The following POM121 variants were observed in gnomAD, a reference collection of about 807,000 sequenced individuals.
POM121 encodes the protein nuclear envelope pore membrane protein POM 121.
POM121 carries 32 observed loss-of-function variants against 81.3 expected under a neutral mutation model. That is an observed-to-expected ratio of 0.39 (90% confidence interval 0.30 to 0.53). POM121 has a LOEUF of 0.53. Among genes scored for constraint, POM121 ranks in the 20% least tolerant of loss-of-function variants. The probability of loss-of-function intolerance (pLI) is 0.66; values close to 1 mark genes in which losing one functional copy is unlikely to be tolerated. For synonymous variants in POM121, 514 were observed against 694.2 expected, an observed-to-expected ratio of 0.74 and a Z score of 4.08; for missense variants, 1,138 against 1,614.6, an observed-to-expected ratio of 0.70 and a Z score of 5.06.
chr7:72,948,367 A>G, downstream of POM121: 1 of 1,612,860 alleles, frequency 6.2e-7, no homozygotes, highest in Non-Finnish European at 8.5e-7. Flanking sequence ...AGCCCGAGGA[A>G]GGGACCCAAT....
Position 72,916,320 on chromosome 7 carries a change from T to G in POM121, c.-152+2492T>G, listed in dbSNP as rs74214817. On this transcript the variant is annotated intron_variant, in intron 4 of 15. Coordinates refer to the POM121 transcript ENST00000395270. ...TGGTTTTGGATTTTACATTTAAGTC[T>G]TTAATCCATCTTGAGTTAGTTTTTT... Among the ~76,000 whole-genome samples the G allele has an allele frequency of 8.9e-3, 1,363 of 152,338 alleles. 63 individuals are homozygous for G. In the East Asian group the frequency reaches 0.11, roughly 13 times the overall value.
rs781829052 is a variant in POM121, at chr7:72,946,262, A to G, written c.*28A>G. ...TTTGTCCCCTGTCCCTGTTCCCCCC[A>G]CCCCTTCCCTAAATCTGGACCTTGG... On this transcript the variant is annotated 3_prime_UTR_variant, in exon 13 of 13. Transcript: ENST00000434423. 1.2e-6 allele frequency: 2 copies of G among 1,606,324 alleles called. No individual in the cohort carries two copies. The highest frequency in any genetic ancestry group is 4.6e-4 in the Middle Eastern group (2 of 4,390).
intron 3 of POM121, among the ~76,000 whole-genome samples, chr7:72,894,644 AGAGAGAGAGAGAGAGAGAGAG>A (rs1791717346): frequency 7.4e-6 from 1 of 135,258 alleles, no homozygotes; most frequent in Non-Finnish European, 1.6e-5. Flanking sequence ...AGAGAGAGAG[AGAGAGAGAGAGAGAGAGAGAG>A]AGAGAGAGAG....
chr7:72,950,371 C>T (rs1436435650), downstream of POM121: 3 of 686,058 alleles, frequency 4.4e-6, no homozygotes, highest in Non-Finnish European at 7.4e-6. Context: ...ACTTATGGGT[C>T]AGGAGCCCCC....
downstream of POM121, chr7:72,949,312 C>A (rs781940307): frequency 5.4e-5 from 44 of 815,878 alleles, no homozygotes; most frequent in Non-Finnish European, 8.7e-5. Context: ...CACCATCTCA[C>A]CCGAGCCACT....
At chr7:72,928,348 C>T in intron 3 of POM121, 37 bp from the exon 4 acceptor site, 1 of 1,613,020 alleles carries the variant, frequency 6.2e-7, no homozygotes, top group Non-Finnish European at 8.5e-7. Flanking sequence ...CAAAAAAAGT[C>T]ATGTCATTTC....
chr7:72,911,134 C>T (rs1793762862), intron 3 of POM121, among the ~76,000 whole-genome samples: 1 of 152,200 alleles, frequency 6.6e-6, no homozygotes, highest in Non-Finnish European at 1.5e-5. Context: ...CTGGCGCTCG[C>T]CACCACGCCC....
At chr7:72,899,077 A>T (rs1362227126) in intron 3 of POM121, among the ~76,000 whole-genome samples, 2 of 136,240 alleles carry the variant, frequency 1.5e-5, no homozygotes, top group East Asian at 4.4e-4. Flanking sequence ...CTGCCTCCTC[A>T]GTTCAAGCAA....
In POM121 at chr7:72,926,337, C is replaced by A; in HGVS notation, c.720C>A (p.Ser240=). 1 of 1,612,572 alleles carries A rather than the reference C, an allele frequency of 6.2e-7. No homozygotes were observed. The highest frequency in any genetic ancestry group is 8.5e-7 in the Non-Finnish European group (1 of 1,179,152). The change falls in exon 2 of 13, where the codon TCC becomes TCA. Residue 240 remains serine (S), a synonymous_variant. Coordinates refer to ENST00000434423, the MANE Select transcript of POM121 (RefSeq NM_001387691.1). Reference sequence around the variant, plus strand: ...ATCCGATCCATCAGGCCCAGTATTCCTGTCTGGGGGTACTTCCCACCGTGT... The same window carrying A: ...ATCCGATCCATCAGGCCCAGTATTCATGTCTGGGGGTACTTCCCACCGTGT... ...RRYPIHQAQY[S]CLGVLPTVCW...
At chr7:72,908,416 T>C (rs1793484153) in intron 3 of POM121, among the ~76,000 whole-genome samples, 1 of 151,990 alleles carries the variant, frequency 6.6e-6, no homozygotes, top group Non-Finnish European at 1.5e-5. Flanking sequence ...CACAAGGTAA[T>C]AAAATATTAC....
intron 1 of POM121, among the ~76,000 whole-genome samples, chr7:72,884,411 A>G (rs1790472157): frequency 6.6e-6 from 1 of 151,608 alleles, no homozygotes; most frequent in South Asian, 2.1e-4. Flanking sequence ...ATCTTTGGCC[A>G]GACGGAATCC....
In POM121 at chr7:72,940,097, C is replaced by G. The variant is rs1298567647; in HGVS notation, c.1563+129C>G. On this transcript the variant is annotated intron_variant, in intron 8 of 12. Transcript: ENST00000434423. ...GTTTTTGTTTTTTGAGACAACATCC[C>G]TCTGTCACCCAGGCTGGAGTGCAGT... is the stretch of plus-strand genomic sequence containing the variant. The G allele has an allele frequency of 1.5e-5, 18 of 1,201,660 alleles. No homozygotes were observed. In the Admixed American group the frequency reaches 2.6e-4, roughly 18 times the overall value. The allele number at this position is 1,201,660 out of a possible 1,614,324, so 74.4% of individuals were successfully genotyped here.
chr7:72,902,887 CTCCTTGTA>C (rs1379649388), intron 3 of POM121, among the ~76,000 whole-genome samples: 2 of 152,154 alleles, frequency 1.3e-5, no homozygotes, highest in Non-Finnish European at 2.9e-5. Context: ...AGACATTGTT[CTCCTTGTA>C]TCCTTTAACT....
At chr7:72,949,628 C>T (rs3973779), downstream of POM121, 1 of 659,008 alleles carries the variant, frequency 1.5e-6, no homozygotes, top group South Asian at 1.8e-5. Flanking sequence ...TTTAAAGGGC[C>T]CAGGGTCAGA....
chr7:72,945,552 C>T (rs782388726), intron 11 of POM121, 34 bp from the exon 12 acceptor site: 1 of 1,612,654 alleles, frequency 6.2e-7, no homozygotes, highest in Non-Finnish European at 8.5e-7. Flanking sequence ...CTGCCCTCTG[C>T]TCACTGGCCA....
rs781878748 is a variant in POM121 at position 72,925,523 on chromosome 7, G to A, written c.402G>A (p.Leu134=). ...TLLEGPDPAE[L]LLMGSYLGKP... ...TCGAAGGACCTGACCCTGCGGAACTGCTACTCATGGGCAGTTACCTGGGCA... is the reference window on the plus strand; with the variant it reads ...TCGAAGGACCTGACCCTGCGGAACTACTACTCATGGGCAGTTACCTGGGCA... Residue 134 remains leucine (L), a synonymous_variant, in exon 1 of 13, where the codon CTG becomes CTA. Coordinates refer to ENST00000434423, the MANE Select transcript of POM121 (RefSeq NM_001387691.1). 45 of 1,533,248 alleles carry A rather than the reference G, an allele frequency of 2.9e-5. No individual in the cohort carries two copies. In the South Asian group the frequency reaches 4.8e-4, roughly 16 times the overall value. The allele number at this position is 1,533,248 out of a possible 1,614,324, so 95.0% of individuals were successfully genotyped here.
chr7:72,888,717 GTA>G (rs1790993007), intron 1 of POM121, among the ~76,000 whole-genome samples: 1 of 145,582 alleles, frequency 6.9e-6, no homozygotes, highest in African/African-American at 2.8e-5. Context: ...CACACAAACT[GTA>G]TATATGTGCT....
chr7:72,932,538 C>T (rs1310883626), intron 5 of POM121, among the ~76,000 whole-genome samples: 16 of 152,312 alleles, frequency 1.1e-4, no homozygotes, highest in Non-Finnish European at 1.8e-4. Flanking sequence ...TATGTCATTT[C>T]ATCCTTGGCA....
At chr7:72,928,152 G>A (rs1157489965) in intron 3 of POM121, among the ~76,000 whole-genome samples, 1 of 152,172 alleles carries the variant, frequency 6.6e-6, no homozygotes, top group African/African-American at 2.4e-5. Flanking sequence ...GTTTGTTGCA[G>A]TGAGCCAAGA....
Sources: allele counts gnomAD v4.1 joint callset (sites outside exome capture counted in the v4.1 genomes callset), GRCh38; gene constraint gnomAD v4.1.1; transcripts MANE v1.5; gene names NCBI Gene and HGNC (gene_info 2026-07-23, HGNC 2026-07-21).